Variants in ALDH1A2 observed in about 807,000 individuals in gnomAD.
The protein encoded by ALDH1A2 is aldehyde dehydrogenase 1 family member A2, also known as retinal dehydrogenase 2.
In ALDH1A2, 27 loss-of-function variants were observed where a neutral mutation model predicts 60.3. The ratio of observed to expected loss-of-function variants is 0.45; its 90% CI spans 0.33 to 0.62. ALDH1A2 has a LOEUF of 0.62. Among genes scored for constraint, ALDH1A2 ranks in the 20% least tolerant of loss-of-function variants. The pLI is 0.02. For missense variants in ALDH1A2, 581 were observed against 643.8 expected, an observed-to-expected ratio of 0.90 and a Z score of 1.06; for synonymous variants, 289 against 232.4, an observed-to-expected ratio of 1.24 and a Z score of -2.21.
intron 12 of ALDH1A2, among the ~76,000 whole-genome samples, chr15:57,957,178 G>A (rs1893556183): frequency 6.6e-6 from 1 of 152,158 alleles, no homozygotes; most frequent in South Asian, 2.1e-4. Flanking sequence ...AGACAGGAGT[G>A]CCCACTCAGC....
intron 1 of ALDH1A2, among the ~76,000 whole-genome samples, chr15:58,033,324 A>C (rs1385413507): frequency 6.6e-6 from 1 of 151,716 alleles, no homozygotes; most frequent in Non-Finnish European, 1.5e-5. Context: ...GACATGCTTT[A>C]TTTTACCTTC....
At chr15:57,955,761 C>G (rs528019857) in intron 12 of ALDH1A2, among the ~76,000 whole-genome samples, 10 of 152,178 alleles carry the variant, frequency 6.6e-5, no homozygotes, top group African/African-American at 2.4e-4. Flanking sequence ...TCCCCCAAGA[C>G]GGAGGGTGGG....
In ALDH1A2 at chr15:58,049,904, A is replaced by G. The variant is rs74537322; in HGVS notation, c.117+15630T>C. 4.8e-3 allele frequency among the ~76,000 whole-genome samples: 737 copies of G among 152,144 alleles called. 3 individuals are homozygous for G. The highest frequency in any genetic ancestry group is 6.3e-3 in the Non-Finnish European group (428 of 67,968). ...TTTGGAAACAAATGTTCCTCTGCCT[A>G]TCTTCCCTAGGTTCAATTAGTCTTC... On this transcript the variant is annotated intron_variant, in intron 1 of 12. Coordinates refer to ENST00000249750, the MANE Select transcript of ALDH1A2 (RefSeq NM_003888.4).
chr15:57,962,704 CA>C (rs545423690), intron 9 of ALDH1A2, among the ~76,000 whole-genome samples: 1 of 148,806 alleles, frequency 6.7e-6, no homozygotes, highest in East Asian at 2.0e-4. Flanking sequence ...CTTCCTAGTC[CA>C]AAAAAAAACA....
intron 7 of ALDH1A2, among the ~76,000 whole-genome samples, chr15:57,988,115 A>C (rs923058385): frequency 2.0e-5 from 3 of 152,236 alleles, no homozygotes; most frequent in Non-Finnish European, 4.4e-5. Flanking sequence ...CAAAAAACAA[A>C]TTTTAAAACA....
chr15:57,967,362 T>A (rs1176800900), intron 7 of ALDH1A2, among the ~76,000 whole-genome samples: 1 of 152,118 alleles, frequency 6.6e-6, no homozygotes, highest in East Asian at 1.9e-4. Flanking sequence ...ACACAGTAAG[T>A]GTGCAGACAT....
intron 1 of ALDH1A2, among the ~76,000 whole-genome samples, chr15:58,039,508 G>A (rs1389598429): frequency 2.0e-5 from 3 of 151,748 alleles, no homozygotes; most frequent in African/African-American, 7.3e-5. Flanking sequence ...CCCTGGAATC[G>A]ATGTTAATTA....
rs1895582681 is a variant in ALDH1A2, at chr15:58,010,134, A to C, written c.493+515T>G. Among the ~76,000 whole-genome samples the C allele has an allele frequency of 3.3e-5, 5 of 152,334 alleles. No homozygotes were observed. In the South Asian group the frequency reaches 1.0e-3, roughly 32 times the overall value. On this transcript the variant is annotated intron_variant, in intron 4 of 12. Transcript: ENST00000249750. ...TAGTGTTGTTTGTATAGATTATGAA[A>C]GTAATTCACGGCCGTTCGAGAAATA... is the stretch of plus-strand genomic sequence containing the variant.
At chr15:57,969,794 A>G (rs1894002825) in intron 7 of ALDH1A2, among the ~76,000 whole-genome samples, 1 of 151,858 alleles carries the variant, frequency 6.6e-6, no homozygotes, top group South Asian at 2.1e-4. Flanking sequence ...CTTTTCTTCC[A>G]AGCAGAAAAG....
At chr15:58,058,771 G>A (rs1248593785) in intron 1 of ALDH1A2, among the ~76,000 whole-genome samples, 2 of 152,140 alleles carry the variant, frequency 1.3e-5, no homozygotes, top group African/African-American at 4.8e-5. Context: ...AAACAGAGCA[G>A]GTAACTACTT....
At chr15:58,020,404 A>G (rs1341803639) in intron 1 of ALDH1A2, among the ~76,000 whole-genome samples, 3 of 152,222 alleles carry the variant, frequency 2.0e-5, no homozygotes, top group Non-Finnish European at 4.4e-5. Context: ...TATGGTCAGA[A>G]ATACAGTACC....
intron 12 of ALDH1A2, 69 bp downstream of exon 12, chr15:57,960,701 T>C: frequency 7.3e-7 from 1 of 1,371,520 alleles, no homozygotes; most frequent in Admixed American, 1.7e-5. Flanking sequence ...TAAACTATTT[T>C]TTAAGTACTG....
chr15:58,018,556 C>T (rs1895843570), intron 1 of ALDH1A2, among the ~76,000 whole-genome samples: 1 of 152,054 alleles, frequency 6.6e-6, no homozygotes, highest in Non-Finnish European at 1.5e-5. Context: ...CAAAATATCT[C>T]CCCTCAAGAT....
chr15:58,026,926 C>T (rs1329711450), intron 1 of ALDH1A2, among the ~76,000 whole-genome samples: 1 of 152,218 alleles, frequency 6.6e-6, no homozygotes, highest in African/African-American at 2.4e-5. Flanking sequence ...TCTCTAGACT[C>T]CACCTCTGTG....
intron 1 of ALDH1A2, among the ~76,000 whole-genome samples, chr15:58,060,839 T>A (rs2704225): frequency 0.61 from 92,463 of 152,026 alleles, 29,774 homozygotes; most frequent in African/African-American, 0.81. Flanking sequence ...CAAAAACTCC[T>A]ATCAGTATTT....
At chr15:57,961,441 T>A (rs760983474) in intron 10 of ALDH1A2, 147 bp from the exon 11 acceptor site, 1 of 1,022,266 alleles carries the variant, frequency 9.8e-7, no homozygotes, top group African/African-American at 1.6e-5. Flanking sequence ...CAACCTTTCC[T>A]AGGATAAGAT....
Position 57,954,858 on chromosome 15 carries a change from G to A in ALDH1A2, c.*339C>T. The A allele has an allele frequency of 2.9e-6, 1 of 349,438 alleles. No homozygotes were observed. Among genetic ancestry groups the A allele is most frequent in the Non-Finnish European group, 5.4e-6 (1 of 183,650 alleles). The allele number at this position is 349,438 out of a possible 1,614,324, so 21.6% of individuals were successfully genotyped here. On this transcript the variant is annotated 3_prime_UTR_variant, in exon 13 of 13. Coordinates refer to ENST00000249750, the MANE Select transcript of ALDH1A2 (RefSeq NM_003888.4). Reference sequence around the variant, plus strand: ...GAGAAAGGTCACCTTTCCTTGAGAGGAAAGTTCTTTGTGACAAAGACATGA... The same window carrying A: ...GAGAAAGGTCACCTTTCCTTGAGAGAAAAGTTCTTTGTGACAAAGACATGA...
At chr15:58,034,457 AT>A (rs1555405033) in intron 1 of ALDH1A2, among the ~76,000 whole-genome samples, 2 of 151,458 alleles carry the variant, frequency 1.3e-5, no homozygotes, top group Non-Finnish European at 3.0e-5. Flanking sequence ...GTCTGTATAC[AT>A]TTTCTTTTCT....
chr15:57,982,251 G>C (rs1173275350), intron 7 of ALDH1A2, among the ~76,000 whole-genome samples: 1 of 152,130 alleles, frequency 6.6e-6, no homozygotes, highest in African/African-American at 2.4e-5. Context: ...GATATCTGAG[G>C]CCTGGAAAGA....
Sources: allele counts gnomAD v4.1 joint callset (sites outside exome capture counted in the v4.1 genomes callset), GRCh38; gene constraint gnomAD v4.1.1; transcripts MANE v1.5; gene names NCBI Gene and HGNC (gene_info 2026-07-23, HGNC 2026-07-21).